Variants in PIK3C2A observed in about 807,000 individuals in gnomAD.
The protein encoded by PIK3C2A is phosphatidylinositol-4-phosphate 3-kinase catalytic subunit type 2 alpha, also known as phosphatidylinositol 4-phosphate 3-kinase C2 domain-containing subunit alpha.
A neutral mutation model predicts 204.5 loss-of-function variants in PIK3C2A; 97 were observed. The observed-to-expected ratio is 0.47, with a 90% CI of 0.40 to 0.56. The LOEUF (loss-of-function observed/expected upper bound fraction) is 0.56. Among genes scored for constraint, PIK3C2A ranks in the 20% least tolerant of loss-of-function variants. The pLI is 0.00. For missense variants in PIK3C2A, 1,735 were observed against 1,969.2 expected, an observed-to-expected ratio of 0.88 and a Z score of 2.25; for synonymous variants, 653 against 664.4, an observed-to-expected ratio of 0.98 and a Z score of 0.26.
intron 11 of PIK3C2A, among the ~76,000 whole-genome samples, chr11:17,132,581 G>A (rs548043881): frequency 6.0e-5 from 9 of 150,558 alleles, no homozygotes; most frequent in African/African-American, 1.5e-4. Flanking sequence ...CACCCGCCTC[G>A]GCCTCCCAAA....
At chr11:17,163,005 TA>T (rs1326491142) in intron 2 of PIK3C2A, among the ~76,000 whole-genome samples, 1 of 152,128 alleles carries the variant, frequency 6.6e-6, no homozygotes, top group Admixed American at 6.5e-5. Flanking sequence ...AAAAAATATA[TA>T]AACAAATAGG....
chr11:17,183,686 CA>C (rs200063948), intron 1 of PIK3C2A, among the ~76,000 whole-genome samples: 3 of 149,422 alleles, frequency 2.0e-5, no homozygotes, highest in Non-Finnish European at 4.5e-5. Flanking sequence ...AAAAAAACAA[CA>C]AAAAAAAAGA....
chr11:17,147,410 C>T, intron 6 of PIK3C2A, 107 bp downstream of exon 6: 2 of 650,536 alleles, frequency 3.1e-6, no homozygotes, highest in South Asian at 3.8e-5. Flanking sequence ...GTTCATCACC[C>T]CATTCTAACT....
chr11:17,191,079 G>A (rs1172544791), intron 1 of PIK3C2A, among the ~76,000 whole-genome samples: 1 of 152,194 alleles, frequency 6.6e-6, no homozygotes, highest in Non-Finnish European at 1.5e-5. Flanking sequence ...AATTATGTCG[G>A]TTCTTATTAA....
intron 8 of PIK3C2A, among the ~76,000 whole-genome samples, chr11:17,144,986 G>A (rs1850186721): frequency 1.4e-5 from 2 of 145,714 alleles, no homozygotes; most frequent in South Asian, 4.4e-4. Context: ...TAGCCCCTTT[G>A]TTTTGGCCAA....
intron 2 of PIK3C2A, among the ~76,000 whole-genome samples, chr11:17,168,359 A>G (rs1851040430): frequency 1.3e-5 from 2 of 152,132 alleles, no homozygotes; most frequent in South Asian, 4.1e-4. Flanking sequence ...AGACGGGTGG[A>G]TCACGAGGTC....
rs1334520637 is a variant in PIK3C2A, at chr11:17,117,612, C to T, written c.3095G>A (p.Gly1032Asp). Residue 1032 changes from glycine to aspartate, a missense_variant, in exon 19 of 33, where the codon GGT becomes GAT. Gly to Asp is a moderately conservative substitution (Grantham distance 94). Around this residue, in one of 6 missense-constraint regions of PIK3C2A, gnomAD observed 567 missense variants for 576.0 expected, o/e 0.98. Coordinates refer to ENST00000691414, the MANE Select transcript of PIK3C2A (RefSeq NM_002645.4). ...TTTTCCTCCTACTGACAGGAGAGCACCCAAAACATGTTCGTATCGGGTACT... is the reference window on the plus strand; with the variant it reads ...TTTTCCTCCTACTGACAGGAGAGCATCCAAAACATGTTCGTATCGGGTACT... ...QFSTRYEHVLGALLSVGGKRL... is the reference protein window; with the variant it reads ...QFSTRYEHVLDALLSVGGKRL... 1.2e-6 allele frequency: 2 copies of T among 1,613,154 alleles called. No individual in the cohort carries two copies. The highest frequency in any genetic ancestry group is 4.5e-5 in the East Asian group (2 of 44,888).
chr11:17,185,592 T>C (rs1429919956), intron 1 of PIK3C2A, among the ~76,000 whole-genome samples: 1 of 152,100 alleles, frequency 6.6e-6, no homozygotes, highest in Non-Finnish European at 1.5e-5. Flanking sequence ...GATTATACAC[T>C]CTCATCATTG....
intron 2 of PIK3C2A, 96 bp downstream of exon 2, chr11:17,168,581 A>C (rs958488628): frequency 4.7e-6 from 4 of 845,446 alleles, no homozygotes; most frequent in Non-Finnish European, 7.3e-6. Context: ...ACTCCTTCTT[A>C]AAAACAAAAA....
intron 22 of PIK3C2A, among the ~76,000 whole-genome samples, chr11:17,108,096 T>C (rs564498632): frequency 1.3e-5 from 2 of 152,312 alleles, no homozygotes; most frequent in South Asian, 4.1e-4. Flanking sequence ...GGTCTCAAAC[T>C]TCTGGCCTCA....
chr11:17,171,505 A>C (rs1851160887), intron 1 of PIK3C2A, among the ~76,000 whole-genome samples: 1 of 152,174 alleles, frequency 6.6e-6, no homozygotes, highest in African/African-American at 2.4e-5. Flanking sequence ...TACTAAACAA[A>C]AAAAAAAATT....
In PIK3C2A at chr11:17,100,287, C is replaced by T. The variant is rs527518760; in HGVS notation, c.4009-318G>A. Among the ~76,000 whole-genome samples, 3 of 147,098 alleles carry T rather than the reference C, an allele frequency of 2.0e-5. No individual in the cohort carries two copies. In the South Asian group the frequency reaches 6.6e-4, roughly 32 times the overall value. On this transcript the variant is annotated intron_variant, in intron 25 of 32. Coordinates refer to ENST00000691414, the MANE Select transcript of PIK3C2A (RefSeq NM_002645.4). ...CAGGGAGCCGGGTGCGATCTTGGCT[C>T]ACTGCATCCTCTGCCTCCAGGGTTC...
chr11:17,125,935 C>T (rs1032017647), intron 13 of PIK3C2A, among the ~76,000 whole-genome samples: 2 of 151,206 alleles, frequency 1.3e-5, no homozygotes, highest in African/African-American at 4.9e-5. Flanking sequence ...ACCAACCTGG[C>T]CAACATTGCA....
chr11:17,101,696 T>TG (rs1417513109), intron 24 of PIK3C2A, among the ~76,000 whole-genome samples: 5 of 151,450 alleles, frequency 3.3e-5, no homozygotes, highest in African/African-American at 9.7e-5. Context: ...CTCCGCCTCC[T>TG]GGGTTCATGA....
intron 1 of PIK3C2A, among the ~76,000 whole-genome samples, chr11:17,204,944 G>A (rs1852513875): frequency 6.6e-6 from 1 of 152,132 alleles, no homozygotes; most frequent in East Asian, 1.9e-4. Flanking sequence ...TTGGGAGGGC[G>A]AGGCGGGCGG....
intron 23 of PIK3C2A, among the ~76,000 whole-genome samples, chr11:17,104,772 G>A (rs919509324): frequency 1.3e-5 from 2 of 150,482 alleles, no homozygotes; most frequent in Non-Finnish European, 3.0e-5. Context: ...GTTGCTGAGT[G>A]ACTTGGGACG....
intron 22 of PIK3C2A, among the ~76,000 whole-genome samples, chr11:17,108,119 G>T (rs186579657): frequency 6.6e-6 from 1 of 152,156 alleles, no homozygotes; most frequent in Non-Finnish European, 1.5e-5. Context: ...GGATCTGCCC[G>T]CCTCGGCCTC....
intron 32 of PIK3C2A, 63 bp downstream of exon 32, chr11:17,091,271 C>T: frequency 8.8e-6 from 13 of 1,485,640 alleles, no homozygotes; most frequent in Non-Finnish European, 1.2e-5. Context: ...CACGTCAGAA[C>T]TTAAAAATGA....
intron 1 of PIK3C2A, among the ~76,000 whole-genome samples, chr11:17,198,461 T>C (rs887858794): frequency 1.3e-5 from 2 of 152,150 alleles, no homozygotes; most frequent in Non-Finnish European, 1.5e-5. Context: ...TCTTTAGTTT[T>C]CTCATCTGTA....
Sources: gnomAD v4.1 joint callset for allele counts (sites outside exome capture counted in the v4.1 genomes callset) on GRCh38, gnomAD v4.1.1 for gene constraint, gnomAD v4.1.1 regional missense constraint, MANE v1.5 for transcripts, NCBI Gene and HGNC (gene_info 2026-07-23, HGNC 2026-07-21) for gene names.